Variants in DSG2 observed in about 807,000 individuals in gnomAD.
The protein encoded by DSG2 is desmoglein-2.
DSG2 carries 45 observed loss-of-function variants against 75.6 expected under a neutral mutation model. The ratio of observed to expected loss-of-function variants is 0.60; its 90% CI spans 0.47 to 0.76. The LOEUF is 0.76. DSG2 is among the 30% of genes least tolerant of loss of function. DSG2 has a pLI of 0.00. For missense variants in DSG2, 1,267 were observed against 1,357.4 expected, an observed-to-expected ratio of 0.93 and a Z score of 1.05; for synonymous variants, 429 against 483.9, an observed-to-expected ratio of 0.89 and a Z score of 1.49.
chr18:31,525,289 G>A (rs537334429), intron 8 of DSG2, among the ~76,000 whole-genome samples: 110 of 152,226 alleles, frequency 7.2e-4, no homozygotes, highest in African/African-American at 2.6e-3. Context: ...GCCAAGGCAG[G>A]CAGATAGCTT....
chr18:31,518,935 G>A (rs2073110652), intron 2 of DSG2, among the ~76,000 whole-genome samples: 1 of 152,052 alleles, frequency 6.6e-6, no homozygotes, highest in Non-Finnish European at 1.5e-5. Flanking sequence ...TTTATAGAAT[G>A]GTTTTCTGCC....
intron 12 of DSG2, among the ~76,000 whole-genome samples, chr18:31,540,131 AG>A (rs1301024259): frequency 8.5e-5 from 13 of 152,184 alleles, no homozygotes; most frequent in Admixed American, 7.2e-4. Flanking sequence ...ATAGAAATAA[AG>A]TACACAATAA....
intron 1 of DSG2, among the ~76,000 whole-genome samples, chr18:31,514,256 A>G (rs1016602846): frequency 6.6e-6 from 1 of 152,254 alleles, no homozygotes; most frequent in Non-Finnish European, 1.5e-5. Context: ...AACTGCTGGT[A>G]CTATCTTTGC....
At chr18:31,525,219 CT>C (rs1457469791) in intron 8 of DSG2, among the ~76,000 whole-genome samples, 6 of 152,190 alleles carry the variant, frequency 3.9e-5, no homozygotes, top group Non-Finnish European at 8.8e-5. Context: ...TGAGTATCCC[CT>C]CAATTACTAC....
In DSG2 at chr18:31,516,136, A is replaced by T. The variant is rs570745797; in HGVS notation, c.46-2103A>T. ...GATTGTTAACAGAAACAAGAGAGGG[A>T]TCTGGTTTTTTTTTTAAGATAAGGA... On this transcript the variant is annotated intron_variant, in intron 1 of 14. Coordinates refer to ENST00000261590, the MANE Select transcript of DSG2 (RefSeq NM_001943.5). Among the ~76,000 whole-genome samples, 8 of 151,890 alleles carry T rather than the reference A, an allele frequency of 5.3e-5. No homozygotes were observed. The South Asian group carries it at 1.2e-3, about 24-fold the overall frequency.
chr18:31,545,402 A>G (rs1274564439), intron 14 of DSG2, among the ~76,000 whole-genome samples: 1 of 152,186 alleles, frequency 6.6e-6, no homozygotes, highest in Non-Finnish European at 1.5e-5. Flanking sequence ...CAGTTTAGCC[A>G]ACTATCACAC....
chr18:31,523,630 T>C (rs1442408340), intron 6 of DSG2, among the ~76,000 whole-genome samples: 1 of 152,252 alleles, frequency 6.6e-6, no homozygotes, highest in African/African-American at 2.4e-5. Flanking sequence ...ATAATGGCTG[T>C]TAACTTACTG....
intron 8 of DSG2, 115 bp downstream of exon 8, chr18:31,525,003 A>C (rs1229190824): frequency 2.6e-5 from 26 of 1,010,838 alleles, no homozygotes; most frequent in Non-Finnish European, 3.8e-5. Context: ...AACTAGCACT[A>C]CAGTTGTTTG....
At chr18:31,519,692 A>G in intron 2 of DSG2, 111 bp from the exon 3 acceptor site, 1 of 1,152,750 alleles carries the variant, frequency 8.7e-7, no homozygotes, top group Non-Finnish European at 1.3e-6. Context: ...GGAAATACGA[A>G]GCATACCTTA....
chr18:31,518,049 AT>A (rs1317719802), intron 1 of DSG2, among the ~76,000 whole-genome samples, 189 bp from the exon 2 acceptor site: 2 of 152,156 alleles, frequency 1.3e-5, no homozygotes, highest in African/African-American at 4.8e-5. Context: ...GAGAATATAG[AT>A]TTCTCCTCGG....
chr18:31,511,920 T>TC (rs1455348993), intron 1 of DSG2, among the ~76,000 whole-genome samples: 1 of 152,164 alleles, frequency 6.6e-6, no homozygotes, highest in Non-Finnish European at 1.5e-5. Flanking sequence ...CACAGCAGAT[T>TC]AGCCTTGCCT....
chr18:31,531,234 G>A lies in DSG2; in HGVS notation c.1262G>A (p.Gly421Glu), dbSNP rs1232284581. Residue 421 changes from glycine (G) to glutamate (E), a missense_variant, in exon 9 of 15, where the codon GGA becomes GAA. Coordinates refer to ENST00000261590, the MANE Select transcript of DSG2 (RefSeq NM_001943.5). The part of the protein sequence containing the change: ...GNFQAFDEDT[G>E]LPAHARYVKL... Reference sequence around the variant, plus strand: ...TTTCAAGCTTTTGATGAGGACACTGGACTACCAGCCCATGCAAGGTAAGAG... The same window carrying A: ...TTTCAAGCTTTTGATGAGGACACTGAACTACCAGCCCATGCAAGGTAAGAG... 6.8e-6 allele frequency: 11 copies of A among 1,614,030 alleles called. No individual in the cohort carries two copies. The highest frequency in any genetic ancestry group is 8.5e-6 in the Non-Finnish European group (10 of 1,180,022).
Position 31,545,816 on chromosome 18 carries a change from T to C in DSG2, c.2430T>C (p.Ser810=), listed in dbSNP as rs781616050. 6.2e-7 allele frequency: 1 copy of C among 1,614,214 alleles called. No individual in the cohort carries two copies. The highest frequency in any genetic ancestry group is 8.5e-7 in the Non-Finnish European group (1 of 1,180,036). ...AAGAAACTGAATCGCTGAATGCTTC[T>C]ATTGGTTGTTGCAGTTTTATTGAAG... ...SQEETESLNA[S]IGCCSFIEGE... The change falls in exon 15 of 15, where the codon TCT becomes TCC. Residue 810 remains serine, a synonymous_variant. Transcript: ENST00000261590.
chr18:31,512,291 T>C (rs965002187), intron 1 of DSG2, among the ~76,000 whole-genome samples: 3 of 152,190 alleles, frequency 2.0e-5, no homozygotes, highest in South Asian at 4.1e-4. Flanking sequence ...GGGTCAAAAT[T>C]CTAAGGGTCA....
At chr18:31,539,745 C>T (rs1267795914) in intron 12 of DSG2, among the ~76,000 whole-genome samples, 1 of 152,242 alleles carries the variant, frequency 6.6e-6, no homozygotes, top group African/African-American at 2.4e-5. Flanking sequence ...CCCCAGGCTA[C>T]AGACCAGCAC....
intron 1 of DSG2, among the ~76,000 whole-genome samples, chr18:31,500,632 C>G (rs1379234841): frequency 1.3e-5 from 2 of 152,146 alleles, no homozygotes; most frequent in African/African-American, 4.8e-5. Flanking sequence ...CCATTCAGAA[C>G]GAAGCCTGCA....
intron 1 of DSG2, among the ~76,000 whole-genome samples, chr18:31,514,922 C>T (rs529944949): frequency 2.0e-5 from 3 of 152,238 alleles, no homozygotes; most frequent in African/African-American, 7.2e-5. Flanking sequence ...ACACATGACA[C>T]TTGGTCAGAA....
chr18:31,532,280 A>G (rs541562086), intron 9 of DSG2, among the ~76,000 whole-genome samples: 3 of 152,276 alleles, frequency 2.0e-5, no homozygotes, highest in African/African-American at 7.2e-5. Flanking sequence ...CACGTGGCCA[A>G]AGGAACAAGG....
intron 11 of DSG2, 125 bp from the exon 12 acceptor site, chr18:31,538,625 AG>A (rs1414061271): frequency 2.4e-6 from 2 of 837,000 alleles, no homozygotes; most frequent in Non-Finnish European, 2.0e-6. Context: ...CAATAAGTGA[AG>A]GAAGAACAAA....
Sources: allele counts gnomAD v4.1 joint callset (sites outside exome capture counted in the v4.1 genomes callset), GRCh38; gene constraint gnomAD v4.1.1; transcripts MANE v1.5; gene names NCBI Gene and HGNC (gene_info 2026-07-23, HGNC 2026-07-21).